Variants in PARP14 observed in about 807,000 individuals in gnomAD.
PARP14 encodes poly(ADP-ribose) polymerase family member 14.
PARP14 carries 59 observed loss-of-function variants against 154.2 expected under a neutral mutation model. The observed-to-expected ratio is 0.38, with a 90% CI of 0.31 to 0.48. The LOEUF is 0.48. Ranked by LOEUF, PARP14 falls within the 20% of genes least tolerant of loss-of-function variation. PARP14 has a pLI of 0.98. For synonymous variants in PARP14, 720 were observed against 780.5 expected (o/e 0.92, Z 1.29); for missense variants, 1,734 against 2,131.6 (o/e 0.81, Z 3.67).
intron 15 of PARP14, among the ~76,000 whole-genome samples, chr3:122,724,814 T>C (rs1933248785): frequency 6.6e-6 from 1 of 152,154 alleles, no homozygotes; most frequent in Admixed American, 6.5e-5. Flanking sequence ...GCAGTGTTTG[T>C]GTCCCTGGGT....
intron 9 of PARP14, 100 bp from the exon 10 acceptor site, chr3:122,713,324 G>A (rs6770902): frequency 0.14 from 124,638 of 873,714 alleles, 9,060 homozygotes; most frequent in Admixed American, 0.17. Flanking sequence ...AGAAAGAGAG[G>A]GAGAGGGAAG....
rs1938223858 is a variant in PARP14 at position 122,681,996 on chromosome 3, G to A, written c.187+926G>A. On this transcript the variant is annotated intron_variant, in intron 1 of 16. Coordinates refer to ENST00000474629, the MANE Select transcript of PARP14 (RefSeq NM_017554.3). This position sits in a 1 kb window ranked among gnomAD's most constrained non-coding sequence, Gnocchi z 5.5. ...GGAGAAGCATTCGGGCCAGAGGAGA[G>A]GCAAGGAGGCTGAGGCTGAGGCCAT... Among the ~76,000 whole-genome samples, 1 of 152,194 alleles carries A rather than the reference G, an allele frequency of 6.6e-6. No homozygotes were observed. The highest frequency in any genetic ancestry group is 2.1e-4 in the South Asian group (1 of 4,830).
rs1227757809 is a variant in PARP14, at chr3:122,720,400, G to A, written c.4941+12G>A. On this transcript the variant is annotated intron_variant, in intron 15 of 16. Transcript: ENST00000474629. ...TCAGAATAGAGAAGGTAAGCCTTCT[G>A]CTAGAATGCAGTTTCTGGATGGTGG... The A allele has an allele frequency of 6.2e-7, 1 of 1,610,370 alleles. No homozygotes were observed. Among genetic ancestry groups the A allele is most frequent in the Non-Finnish European group, 8.5e-7 (1 of 1,177,712 alleles).
At chr3:122,706,817 CA>C (rs796804488) in intron 8 of PARP14, among the ~76,000 whole-genome samples, 6,002 of 124,422 alleles carry the variant, frequency 0.048, 111 homozygotes, top group Middle Eastern at 0.075. Flanking sequence ...CACCAACAGG[CA>C]AAAAAAAAAA....
At position 122,714,246 on chromosome 3, in the gene PARP14, T is replaced by G; in HGVS notation, c.3833-16T>G. Reference sequence around the variant, plus strand: ...AACTTCTACTAATTTTGCATCTTTTTGTCTGTGTTTCCCAGCTCAGCAGCG... The same window carrying G: ...AACTTCTACTAATTTTGCATCTTTTGGTCTGTGTTTCCCAGCTCAGCAGCG... On this transcript the variant is annotated splice_polypyrimidine_tract_variant and intron_variant, in intron 11 of 16. Transcript: ENST00000474629. The G allele has an allele frequency of 6.3e-7, 1 of 1,580,434 alleles. No individual in the cohort carries two copies. The highest frequency in any genetic ancestry group is 8.6e-7 in the Non-Finnish European group (1 of 1,169,394).
In PARP14 at chr3:122,681,383, T is replaced by C. The variant is rs1010070253; in HGVS notation, c.187+313T>C. Among the ~76,000 whole-genome samples, 2 of 152,238 alleles carry C rather than the reference T, an allele frequency of 1.3e-5. No individual in the cohort carries two copies. Among genetic ancestry groups the C allele is most frequent in the African/African-American group, 4.8e-5 (2 of 41,466 alleles). ...CTGTTGTGGTGGTGTTATTGTTTGTTGTTGTTGTTGTGGAAGTGAGTCTAT... is the reference window on the plus strand; with the variant it reads ...CTGTTGTGGTGGTGTTATTGTTTGTCGTTGTTGTTGTGGAAGTGAGTCTAT... On this transcript the variant is annotated intron_variant, in intron 1 of 16. Transcript: ENST00000474629. The surrounding 1 kb of genome is among the most constrained non-coding windows in gnomAD (Gnocchi z 5.5).
chr3:122,712,711 C>G (rs1939363352), intron 9 of PARP14, among the ~76,000 whole-genome samples: 1 of 151,952 alleles, frequency 6.6e-6, no homozygotes. Flanking sequence ...GCACCACCAT[C>G]CCAGCTAATA....
At position 122,718,461 on chromosome 3, in the gene PARP14, C is replaced by T. The variant is rs540312672; in HGVS notation, c.4310C>T (p.Thr1437Met). The change falls in exon 14 of 17, where the codon ACG (threonine) becomes ATG (methionine). Residue 1437 changes from threonine (T) to methionine (M), a missense_variant. Thr to Met is a moderately conservative substitution (Grantham distance 81). Transcript: ENST00000474629. ...TTTCGGGTGTGTGGTGAAAATGTCA[C>T]GTGTGTGGAATATGCTATCTCCTGG... The part of the protein sequence containing the change: ...ATFRVCGENV[T>M]CVEYAISWLQ... 450 of 1,613,842 alleles carry T rather than the reference C, an allele frequency of 2.8e-4. 4 individuals carry two copies. In the South Asian group the frequency reaches 3.7e-3, roughly 13 times the overall value.
At chr3:122,694,723 T>G (rs1938714627) in intron 4 of PARP14, among the ~76,000 whole-genome samples, 2 of 152,152 alleles carry the variant, frequency 1.3e-5, no homozygotes, top group South Asian at 4.1e-4. Context: ...TTTCACTATG[T>G]TGGCCAGGCT....
chr3:122,680,991 G>A lies in PARP14; in HGVS notation c.108G>A (p.Arg36=), dbSNP rs1289376667. 3.7e-6 allele frequency: 6 copies of A among 1,613,620 alleles called. No homozygotes were observed. Among genetic ancestry groups the A allele is most frequent in the Non-Finnish European group, 5.1e-6 (6 of 1,179,700 alleles). The change falls in exon 1 of 17, where the codon AGG becomes AGA. Residue 36 remains arginine (R), a synonymous_variant. Coordinates refer to ENST00000474629, the MANE Select transcript of PARP14 (RefSeq NM_017554.3). ...KLQMYFQSPK[R]SGGGECEVRQ... ...AGATGTACTTCCAGAGCCCGAAGAG[G>A]TCGGGAGGCGGCGAGTGTGAGGTCC...
intron 15 of PARP14, among the ~76,000 whole-genome samples, chr3:122,726,827 A>G (rs1213939818): frequency 1.3e-5 from 2 of 151,888 alleles, no homozygotes; most frequent in African/African-American, 4.8e-5. Flanking sequence ...TGTAAGGTAA[A>G]TGAAATGAAT....
intron 6 of PARP14, among the ~76,000 whole-genome samples, chr3:122,702,278 A>G (rs543961367): frequency 2.8e-4 from 42 of 152,182 alleles, no homozygotes; most frequent in African/African-American, 9.9e-4. Context: ...GTGCAGTGGC[A>G]CCATCTCGGC....
In PARP14 at chr3:122,699,718, C is replaced by T; in HGVS notation, c.1164C>T (p.Ser388=). 1 of 1,613,922 alleles carries T rather than the reference C, an allele frequency of 6.2e-7. No homozygotes were observed. Among genetic ancestry groups the T allele is most frequent in the Non-Finnish European group, 8.5e-7 (1 of 1,179,828 alleles). ...PRIKTWQADT[S]TTLSSIRSKY... Reference sequence around the variant, plus strand: ...TCAAGACCTGGCAGGCAGATACTTCCACAACACTCTCTAGCATCAGGTCTA... The same window carrying T: ...TCAAGACCTGGCAGGCAGATACTTCTACAACACTCTCTAGCATCAGGTCTA... Residue 388 remains serine (S), a synonymous_variant, in exon 6 of 17, where the codon TCC becomes TCT. Coordinates refer to ENST00000474629, the MANE Select transcript of PARP14 (RefSeq NM_017554.3).
At chr3:122,703,220 A>C (rs1939043029) in intron 6 of PARP14, among the ~76,000 whole-genome samples, 1 of 151,982 alleles carries the variant, frequency 6.6e-6, no homozygotes, top group African/African-American at 2.4e-5. Context: ...ACATTCACTG[A>C]TGAAAAAGCT....
intron 9 of PARP14, among the ~76,000 whole-genome samples, chr3:122,710,791 TTTTATTTATTTATTTATTTA>T (rs59634432): frequency 1.3e-3 from 184 of 140,084 alleles, no homozygotes; most frequent in Non-Finnish European, 2.2e-3. Context: ...TTCCTAGGTA[TTTTATTTATTTATTTATTTA>T]TTTATTTATT....
chr3:122,689,533 TC>T (rs1456569154), intron 3 of PARP14, among the ~76,000 whole-genome samples: 2 of 152,144 alleles, frequency 1.3e-5, no homozygotes, highest in Non-Finnish European at 2.9e-5. Flanking sequence ...GGTCTTGAAC[TC>T]CTGGCCCCAA....
intron 1 of PARP14, chr3:122,683,344 C>G (rs1178021743): frequency 2.1e-6 from 2 of 940,726 alleles, no homozygotes; most frequent in Admixed American, 6.2e-5. Flanking sequence ...TTCATATAAA[C>G]TGTAATAGGC....
At chr3:122,720,886 T>G in intron 15 of PARP14, 1 of 456,478 alleles carries the variant, frequency 2.2e-6, no homozygotes, top group Non-Finnish European at 4.4e-6. Flanking sequence ...GTGGAAGGAT[T>G]GCATGAGCCC....
At chr3:122,706,053 G>A (rs1301071200) in intron 8 of PARP14, among the ~76,000 whole-genome samples, 1 of 152,160 alleles carries the variant, frequency 6.6e-6, no homozygotes, top group Admixed American at 6.5e-5. Flanking sequence ...TAAATGAGAG[G>A]CATGAAGTGC....
Sources: allele counts gnomAD v4.1 joint callset (sites outside exome capture counted in the v4.1 genomes callset), GRCh38; gene constraint gnomAD v4.1.1; non-coding constraint Gnocchi (gnomAD v3.1); transcripts MANE v1.5; gene names NCBI Gene and HGNC (gene_info 2026-07-23, HGNC 2026-07-21).